PHKB: variants seen among roughly 807,000 people sequenced by gnomAD.
PHKB encodes phosphorylase kinase regulatory subunit beta, also known as phosphorylase b kinase regulatory subunit beta.
PHKB carries 122 observed loss-of-function variants against 152.1 expected under a neutral mutation model. The observed-to-expected ratio is 0.80, with a 90% CI of 0.69 to 0.93. The LOEUF (loss-of-function observed/expected upper bound fraction) is 0.93. PHKB is among the 40% of genes least tolerant of loss of function. The pLI is 0.00. For missense variants in PHKB, 1,304 were observed against 1,328.4 expected, an observed-to-expected ratio of 0.98 and a Z score of 0.29; for synonymous variants, 436 against 464.9, an observed-to-expected ratio of 0.94 and a Z score of 0.80.
chr16:47,541,386 C>T (rs1255050853), intron 6 of PHKB, among the ~76,000 whole-genome samples: 1 of 152,128 alleles, frequency 6.6e-6, no homozygotes, highest in Non-Finnish European at 1.5e-5. Flanking sequence ...TTTCTTAATC[C>T]AGTCTATCAT....
intron 7 of PHKB, among the ~76,000 whole-genome samples, chr16:47,553,265 C>T (rs574304327): frequency 6.6e-5 from 10 of 152,124 alleles, no homozygotes; most frequent in East Asian, 5.8e-4. Flanking sequence ...CTTGTCTTCT[C>T]GCTTTATTTC....
chr16:47,611,105 A>C (rs1212202174), intron 14 of PHKB, among the ~76,000 whole-genome samples, 185 bp downstream of exon 14: 2 of 152,182 alleles, frequency 1.3e-5, no homozygotes, highest in Non-Finnish European at 2.9e-5. Flanking sequence ...TAGATTTCAG[A>C]TGGGTCCAAC....
chr16:47,559,947 A>C (rs1358552951), intron 7 of PHKB, among the ~76,000 whole-genome samples: 2 of 152,200 alleles, frequency 1.3e-5, no homozygotes, highest in Non-Finnish European at 1.5e-5. Context: ...GGACCTGCAA[A>C]GAGCCTGCTG....
intron 7 of PHKB, among the ~76,000 whole-genome samples, chr16:47,550,269 G>A (rs1343335269): frequency 1.3e-5 from 2 of 152,166 alleles, no homozygotes; most frequent in East Asian, 3.9e-4. Context: ...GTAGTGGAAT[G>A]TAGAGCTGCT....
intron 14 of PHKB, among the ~76,000 whole-genome samples, chr16:47,615,223 C>T (rs1462501926): frequency 6.6e-6 from 1 of 152,130 alleles, no homozygotes; most frequent in Admixed American, 6.6e-5. Context: ...ATTGCTGTTG[C>T]CCCTGCTGTG....
At chr16:47,544,876 T>C (rs1971130656) in intron 6 of PHKB, among the ~76,000 whole-genome samples, 1 of 152,222 alleles carries the variant, frequency 6.6e-6, no homozygotes, top group South Asian at 2.1e-4. Context: ...TTGATCTTTG[T>C]TGGTTTAAAG....
chr16:47,606,839 A>G (rs764301585), intron 13 of PHKB, among the ~76,000 whole-genome samples: 48 of 152,184 alleles, frequency 3.2e-4, no homozygotes, highest in Admixed American at 7.9e-4. Context: ...AAGACAGCAG[A>G]GAACCACAGA....
At chr16:47,612,972 G>A (rs1972454872) in intron 14 of PHKB, among the ~76,000 whole-genome samples, 1 of 152,132 alleles carries the variant, frequency 6.6e-6, no homozygotes, top group Non-Finnish European at 1.5e-5. Flanking sequence ...AGTCATGATT[G>A]ACCAGGTCAG....
At chr16:47,612,966 A>G (rs923505871) in intron 14 of PHKB, among the ~76,000 whole-genome samples, 3 of 152,184 alleles carry the variant, frequency 2.0e-5, no homozygotes, top group African/African-American at 7.2e-5. Flanking sequence ...CCACTTAGTC[A>G]TGATTGACCA....
intron 6 of PHKB, among the ~76,000 whole-genome samples, chr16:47,524,721 T>C (rs751470282): frequency 1.3e-5 from 2 of 152,228 alleles, no homozygotes; most frequent in Admixed American, 1.3e-4. Flanking sequence ...GGAATGAAGC[T>C]ACTAATGATA....
intron 6 of PHKB, among the ~76,000 whole-genome samples, chr16:47,533,830 C>T (rs1970904922): frequency 6.6e-6 from 1 of 151,898 alleles, no homozygotes; most frequent in African/African-American, 2.4e-5. Flanking sequence ...CTGCTCTTGG[C>T]ACCCCCAAGA....
At chr16:47,545,290 G>A (rs1045173989) in intron 6 of PHKB, among the ~76,000 whole-genome samples, 1 of 152,102 alleles carries the variant, frequency 6.6e-6, no homozygotes, top group Non-Finnish European at 1.5e-5. Flanking sequence ...CAGGCCTGGT[G>A]GTGATAAAAT....
chr16:47,592,004 C>A (rs1972036919), intron 10 of PHKB, among the ~76,000 whole-genome samples: 1 of 152,126 alleles, frequency 6.6e-6, no homozygotes, highest in Non-Finnish European at 1.5e-5. Context: ...TGGGTTATCA[C>A]AATATAGTAG....
At chr16:47,605,768 C>T (rs532048695) in intron 13 of PHKB, among the ~76,000 whole-genome samples, 5 of 150,522 alleles carry the variant, frequency 3.3e-5, no homozygotes, top group East Asian at 1.9e-4. Context: ...AACCTGATTT[C>T]GATAGGAAAA....
At position 47,588,951 on chromosome 16, in the gene PHKB, C is replaced by T. The variant is rs1188008563; in HGVS notation, c.917C>T (p.Ala306Val). Residue 306 changes from alanine to valine, a missense_variant, in exon 10 of 31, where the codon GCC becomes GTC. Ala to Val is a moderately conservative substitution (Grantham distance 64). Transcript: ENST00000323584. Reference protein sequence around the residue: ...LLPCISYPAFALDDEVLFSQT... With the variant: ...LLPCISYPAFVLDDEVLFSQT... ...CCCTGCATCAGTTATCCTGCATTTG[C>T]CCTGGATGATGAAGTTCTTTTTAGC... is the stretch of plus-strand genomic sequence containing the variant. 1.2e-6 allele frequency: 2 copies of T among 1,613,722 alleles called. No individual in the cohort carries two copies. Among genetic ancestry groups the T allele is most frequent in the Non-Finnish European group, 1.7e-6 (2 of 1,179,866 alleles).
At chr16:47,527,316 A>C (rs546076253) in intron 6 of PHKB, among the ~76,000 whole-genome samples, 1 of 152,304 alleles carries the variant, frequency 6.6e-6, no homozygotes, top group Non-Finnish European at 1.5e-5. Context: ...GAAGGAAGAA[A>C]GTAATAAAGA....
chr16:47,534,735 T>C (rs1970921659), intron 6 of PHKB, among the ~76,000 whole-genome samples: 1 of 152,232 alleles, frequency 6.6e-6, no homozygotes, highest in Non-Finnish European at 1.5e-5. Context: ...TCATGGTTGT[T>C]ACCACCAGCA....
intron 14 of PHKB, among the ~76,000 whole-genome samples, chr16:47,623,821 G>A (rs1435280350): frequency 6.6e-6 from 1 of 152,108 alleles, no homozygotes; most frequent in African/African-American, 2.4e-5. Context: ...GCCTTCCAAA[G>A]TACTGGGATT....
chr16:47,584,669 T>A (rs1221315110), intron 8 of PHKB, among the ~76,000 whole-genome samples: 2 of 152,196 alleles, frequency 1.3e-5, no homozygotes, highest in African/African-American at 4.8e-5. Flanking sequence ...CAGGCTCTGC[T>A]ACAGAGCTCA....
Sources: gnomAD v4.1 joint callset for allele counts (sites outside exome capture counted in the v4.1 genomes callset) on GRCh38, gnomAD v4.1.1 for gene constraint, MANE v1.5 for transcripts, NCBI Gene and HGNC (gene_info 2026-07-23, HGNC 2026-07-21) for gene names.